The following ADGRB3 variants were observed in gnomAD, a reference collection of about 807,000 sequenced individuals.
ADGRB3 encodes the protein adhesion G protein-coupled receptor B3.
A neutral mutation model predicts 193.4 loss-of-function variants in ADGRB3; 37 were observed. The observed-to-expected ratio is 0.19, with a 90% confidence interval of 0.15 to 0.25. The LOEUF is 0.25. ADGRB3 is among the 10% of genes least tolerant of loss of function. The pLI is 1.00. For missense variants in ADGRB3, 1,637 were observed against 1,852.9 expected, an observed-to-expected ratio of 0.88 and a Z score of 2.14; for synonymous variants, 690 against 644.2, an observed-to-expected ratio of 1.07 and a Z score of -1.08.
chr6:69,034,605 T>G (rs1770810903), intron 13 of ADGRB3, among the ~76,000 whole-genome samples: 1 of 147,632 alleles, frequency 6.8e-6, no homozygotes, highest in African/African-American at 2.5e-5. Flanking sequence ...ATATATAAAT[T>G]ATAACTATAT....
chr6:68,765,096 A>T (rs1766484397), intron 3 of ADGRB3, among the ~76,000 whole-genome samples: 1 of 152,180 alleles, frequency 6.6e-6, no homozygotes, highest in Non-Finnish European at 1.5e-5. Context: ...TCATGTGAAG[A>T]CCATAAATGT....
intron 20 of ADGRB3, among the ~76,000 whole-genome samples, chr6:69,294,958 C>G (rs1202184713): frequency 3.3e-5 from 5 of 152,118 alleles, no homozygotes; most frequent in Admixed American, 2.6e-4. Flanking sequence ...AACATCATTA[C>G]TGAGAAAAAT....
At position 69,254,829 on chromosome 6, in the gene ADGRB3, A is replaced by G. The variant is rs1432822262; in HGVS notation, c.2814+15603A>G. Among the ~76,000 whole-genome samples, 217 of 149,008 alleles carry G rather than the reference A, an allele frequency of 1.5e-3. 2 individuals are homozygous for G. The highest frequency in any genetic ancestry group is 4.9e-3 in the African/African-American group (200 of 40,494). ...CCACTAACTCGTCATCTAGCATTAG[A>G]TATATCTCCCAATGCTATCCCTCCC... is the stretch of plus-strand genomic sequence containing the variant. On this transcript the variant is annotated intron_variant, in intron 20 of 31. Coordinates refer to ENST00000370598, the MANE Select transcript of ADGRB3 (RefSeq NM_001704.3).
chr6:68,755,868 A>G (rs1290017152), intron 3 of ADGRB3, among the ~76,000 whole-genome samples: 4 of 152,180 alleles, frequency 2.6e-5, no homozygotes, highest in Admixed American at 2.6e-4. Flanking sequence ...TCTGATTAAC[A>G]GTGTTTTGTT....
At chr6:69,366,814 G>A (rs934335431) in intron 29 of ADGRB3, among the ~76,000 whole-genome samples, 1 of 152,114 alleles carries the variant, frequency 6.6e-6, no homozygotes, top group Non-Finnish European at 1.5e-5. Flanking sequence ...ACTTTTGGCT[G>A]TTGTCGTGCA....
chr6:68,872,730 C>T (rs577894), intron 3 of ADGRB3, among the ~76,000 whole-genome samples: 47,575 of 151,912 alleles, frequency 0.31, 8,089 homozygotes, highest in East Asian at 0.59. Context: ...GCTTGTTTTA[C>T]GGTTTATGTG....
At chr6:69,066,524 G>T (rs981068008) in intron 16 of ADGRB3, among the ~76,000 whole-genome samples, 1 of 151,902 alleles carries the variant, frequency 6.6e-6, no homozygotes, top group African/African-American at 2.4e-5. Context: ...TAAGGCTCTT[G>T]GGAACTGATA....
At chr6:69,144,385 T>G (rs973783726) in intron 17 of ADGRB3, among the ~76,000 whole-genome samples, 1 of 152,196 alleles carries the variant, frequency 6.6e-6, no homozygotes. Flanking sequence ...CCTTTCCAAT[T>G]TAGATGCCCT....
intron 20 of ADGRB3, among the ~76,000 whole-genome samples, chr6:69,276,003 T>C (rs1950634326): frequency 6.6e-6 from 1 of 152,234 alleles, no homozygotes; most frequent in African/African-American, 2.4e-5. Flanking sequence ...TCCATGCAAC[T>C]AAACATTTAC....
intron 21 of ADGRB3, among the ~76,000 whole-genome samples, chr6:69,326,605 T>C (rs1365088764): frequency 6.6e-6 from 1 of 152,014 alleles, no homozygotes; most frequent in African/African-American, 2.4e-5. Context: ...GGCAGAATAG[T>C]GGTGTGTGTG....
chr6:69,139,769 A>G (rs958326521), intron 17 of ADGRB3, among the ~76,000 whole-genome samples: 1 of 152,236 alleles, frequency 6.6e-6, no homozygotes, highest in Admixed American at 6.5e-5. Context: ...ATACACTTGG[A>G]ACACAGATCT....
chr6:68,808,980 A>G (rs1038578775), intron 3 of ADGRB3, among the ~76,000 whole-genome samples: 2 of 152,174 alleles, frequency 1.3e-5, no homozygotes, highest in African/African-American at 4.8e-5. Context: ...AGCAACAAAG[A>G]TGAATTTTGT....
chr6:69,152,894 G>A (rs116767309), intron 17 of ADGRB3, among the ~76,000 whole-genome samples: 186 of 152,118 alleles, frequency 1.2e-3, no homozygotes, highest in African/African-American at 3.8e-3. Context: ...TACTTATATC[G>A]CTATGACTAA....
chr6:69,038,162 A>G (rs1770929133), intron 13 of ADGRB3, among the ~76,000 whole-genome samples: 1 of 152,120 alleles, frequency 6.6e-6, no homozygotes, highest in Non-Finnish European at 1.5e-5. Flanking sequence ...TTTCATTGCC[A>G]CTGCTCTTCT....
chr6:69,204,004 T>A (rs1255715268), intron 17 of ADGRB3, among the ~76,000 whole-genome samples: 1 of 149,264 alleles, frequency 6.7e-6, no homozygotes, highest in Non-Finnish European at 1.5e-5. Context: ...AAAGCTAGCA[T>A]TTTTTTTTTA....
chr6:69,200,937 T>G lies in ADGRB3; in HGVS notation c.2481-32353T>G, dbSNP rs148606542. Among the ~76,000 whole-genome samples, 660 of 152,268 alleles carry G rather than the reference T, an allele frequency of 4.3e-3. 5 individuals are homozygous for G. The highest frequency in any genetic ancestry group is 0.014 in the Middle Eastern group (4 of 294). ...TTTAGAATCCATCTTTCTATCATTATTAATTTATTAAAGAAGTGCAAAAAA... is the reference window on the plus strand; with the variant it reads ...TTTAGAATCCATCTTTCTATCATTAGTAATTTATTAAAGAAGTGCAAAAAA... On this transcript the variant is annotated intron_variant, in intron 17 of 31. Coordinates refer to ENST00000370598, the MANE Select transcript of ADGRB3 (RefSeq NM_001704.3).
At chr6:68,747,773 G>A (rs1050027144) in intron 3 of ADGRB3, among the ~76,000 whole-genome samples, 2 of 152,110 alleles carry the variant, frequency 1.3e-5, no homozygotes, top group African/African-American at 4.8e-5. Context: ...AATGCCCACA[G>A]CCCTTAAGTT....
intron 3 of ADGRB3, among the ~76,000 whole-genome samples, chr6:68,902,667 A>G (rs1170890755): frequency 1.3e-5 from 2 of 152,090 alleles, no homozygotes; most frequent in African/African-American, 2.4e-5. Context: ...TAGGGACTAT[A>G]ACTAGCTATA....
chr6:69,255,331 A>C (rs1312741980), intron 20 of ADGRB3, among the ~76,000 whole-genome samples: 14 of 152,110 alleles, frequency 9.2e-5, no homozygotes, highest in East Asian at 1.9e-4. Context: ...CCAACAGTGT[A>C]AAAGTGTTCC....
Sources: gnomAD v4.1 joint callset for allele counts (sites outside exome capture counted in the v4.1 genomes callset) on GRCh38, gnomAD v4.1.1 for gene constraint, MANE v1.5 for transcripts, NCBI Gene and HGNC (gene_info 2026-07-23, HGNC 2026-07-21) for gene names.